KIZ: variants seen among roughly 807,000 people sequenced by gnomAD.
The protein encoded by KIZ is centrosomal protein kizuna.
Under a neutral mutation model 79.6 loss-of-function variants are expected in KIZ, and 68 were observed. That is an observed-to-expected ratio of 0.85 (90% CI 0.70 to 1.05). The LOEUF (loss-of-function observed/expected upper bound fraction) is 1.05, where lower values mean the gene tolerates loss of function less well. Ranked by LOEUF, KIZ falls within the 50% of genes least tolerant of loss-of-function variation. KIZ has a pLI of 0.00. For synonymous variants in KIZ, 280 were observed against 281.8 expected (o/e 0.99, Z 0.06); for missense variants, 797 against 800.4 (o/e 1.00, Z 0.05).
rs1205920781 is a variant in KIZ at position 21,205,585 on chromosome 20, G to A, written c.1446+1G>A. The A allele has an allele frequency of 3.6e-5, 51 of 1,411,608 alleles. No individual in the cohort carries two copies. Among genetic ancestry groups the A allele is most frequent in the Non-Finnish European group, 5.0e-5 (51 of 1,013,314 alleles). The allele number at this position is 1,411,608 out of a possible 1,614,324, so 87.4% of individuals were successfully genotyped here. A position where few individuals can be genotyped will look rare whatever the true frequency, so the allele number is the denominator to read the frequency against. Reference sequence around the variant, plus strand: ...ACATGATAATTCTGTCAAAGAAGAGGTAGGTAGCTAAACTGTCTGAAGTTT... The same window carrying A: ...ACATGATAATTCTGTCAAAGAAGAGATAGGTAGCTAAACTGTCTGAAGTTT... On this transcript the variant is annotated splice_donor_variant, in intron 7 of 12. Coordinates refer to ENST00000619189, the MANE Select transcript of KIZ (RefSeq NM_018474.6). LOFTEE classifies it high-confidence loss of function.
chr20:21,191,662 G>T (rs551256046), intron 6 of KIZ, among the ~76,000 whole-genome samples: 1 of 152,280 alleles, frequency 6.6e-6, no homozygotes, highest in Non-Finnish European at 1.5e-5. Context: ...ACTGAAATAA[G>T]GAAGCCTGTT....
intron 6 of KIZ, among the ~76,000 whole-genome samples, chr20:21,199,654 T>C (rs1203970431): frequency 6.6e-6 from 1 of 152,160 alleles, no homozygotes; most frequent in Non-Finnish European, 1.5e-5. Context: ...CTTGTGCCCC[T>C]TAGCACCCAG....
intron 6 of KIZ, among the ~76,000 whole-genome samples, chr20:21,173,504 G>A (rs1568944806): frequency 6.6e-6 from 1 of 150,890 alleles, no homozygotes; most frequent in East Asian, 2.0e-4. Context: ...CTTGAACCTG[G>A]GAAGTGGAGG....
At chr20:21,207,061 A>T (rs779550835) in intron 7 of KIZ, among the ~76,000 whole-genome samples, 2 of 152,218 alleles carry the variant, frequency 1.3e-5, no homozygotes, top group Non-Finnish European at 2.9e-5. Flanking sequence ...TCATCTTTAT[A>T]TATAATACAG....
intron 1 of KIZ, among the ~76,000 whole-genome samples, chr20:21,127,151 C>A (rs2031535170): frequency 6.6e-6 from 1 of 152,198 alleles, no homozygotes. Context: ...AGATTTAATT[C>A]TTGTCAGATA....
At chr20:21,242,105 G>A (rs2037238409) in intron 11 of KIZ, among the ~76,000 whole-genome samples, 1 of 152,196 alleles carries the variant, frequency 6.6e-6, no homozygotes, top group African/African-American at 2.4e-5. Flanking sequence ...CAGGTGAGCT[G>A]AAACAGGTGT....
At position 21,145,499 on chromosome 20, in the gene KIZ, G is replaced by A. The variant is rs141498964; in HGVS notation, c.316-66G>A. On this transcript the variant is annotated intron_variant, in intron 3 of 12. Transcript: ENST00000619189. ...ATGCTCCCTGTATGTTGTAAAGACC[G>A]CAGTATACAGACAGGTGCTAGTTGT... The A allele has an allele frequency of 8.0e-4, 515 of 643,664 alleles. 1 individual carries two copies. Among genetic ancestry groups the A allele is most frequent in the African/African-American group, 7.7e-3 (403 of 52,604 alleles). 39.9% of individuals were successfully genotyped at this position (643,664 alleles called of 1,614,324 possible).
chr20:21,212,176 C>T (rs1280079829), intron 7 of KIZ, among the ~76,000 whole-genome samples: 1 of 152,208 alleles, frequency 6.6e-6, no homozygotes, highest in Non-Finnish European at 1.5e-5. Flanking sequence ...CCCTGCTTAT[C>T]ATCTTTGAGA....
intron 10 of KIZ, among the ~76,000 whole-genome samples, chr20:21,231,434 C>A (rs1433017454): frequency 6.6e-6 from 1 of 152,156 alleles, no homozygotes; most frequent in Non-Finnish European, 1.5e-5. Flanking sequence ...GTACTTAATG[C>A]ATTTTTATTA....
At chr20:21,161,813 A>C (rs73133315) in intron 4 of KIZ, 58 bp from the exon 5 acceptor site, 32,654 of 1,062,852 alleles carry the variant, frequency 0.031, 84 homozygotes, top group South Asian at 0.062. Context: ...AAAAAAAAAA[A>C]CCCCACCTAA....
intron 1 of KIZ, among the ~76,000 whole-genome samples, chr20:21,129,733 A>G (rs1337774239): frequency 6.8e-6 from 1 of 146,224 alleles, no homozygotes. Context: ...CTCCATCTCA[A>G]AAAAAAAAAA....
At chr20:21,141,468 A>G (rs2032523734) in intron 3 of KIZ, among the ~76,000 whole-genome samples, 1 of 151,564 alleles carries the variant, frequency 6.6e-6, no homozygotes, top group Admixed American at 6.6e-5. Context: ...GTGGTAGGGA[A>G]TTAACCAAAC....
intron 3 of KIZ, among the ~76,000 whole-genome samples, chr20:21,139,528 A>G (rs2032397529): frequency 6.6e-6 from 1 of 152,194 alleles, no homozygotes; most frequent in Non-Finnish European, 1.5e-5. Flanking sequence ...AATGAAAGTG[A>G]TGGGCAAAGG....
chr20:21,161,800 G>GA (rs113752643), intron 4 of KIZ, 71 bp from the exon 5 acceptor site: 101,216 of 848,702 alleles, frequency 0.12, 717 homozygotes, highest in Non-Finnish European at 0.13. Context: ...TTCATTTCTG[G>GA]AAAAAAAAAA....
At chr20:21,179,586 C>T (rs1371873963) in intron 6 of KIZ, among the ~76,000 whole-genome samples, 2 of 151,110 alleles carry the variant, frequency 1.3e-5, no homozygotes, top group African/African-American at 4.9e-5. Context: ...TATCTCTGAT[C>T]ATTATTATTT....
At chr20:21,191,310 C>T (rs1460536915) in intron 6 of KIZ, among the ~76,000 whole-genome samples, 1 of 152,228 alleles carries the variant, frequency 6.6e-6, no homozygotes, top group Admixed American at 6.5e-5. Context: ...ACTTTGCAGC[C>T]TGCAAGTTTT....
intron 7 of KIZ, chr20:21,213,804 GTCC>G (rs1208902682): frequency 6.6e-6 from 1 of 152,126 alleles, no homozygotes; most frequent in Admixed American, 6.5e-5. Context: ...AAAAACCTGT[GTCC>G]TCCTCCTTGC....
intron 6 of KIZ, among the ~76,000 whole-genome samples, chr20:21,190,779 G>A (rs1026246005): frequency 6.6e-5 from 10 of 152,168 alleles, no homozygotes; most frequent in Admixed American, 4.6e-4. Flanking sequence ...AAAACAGAAC[G>A]TGATAGTTTT....
Position 21,163,067 on chromosome 20 carries a change from A to C in KIZ, c.1260A>C (p.Arg420Ser), listed in dbSNP as rs752922558. Residue 420 changes from arginine to serine, a missense_variant, in exon 6 of 13, where the codon AGA becomes AGC. Coordinates refer to ENST00000619189, the MANE Select transcript of KIZ (RefSeq NM_018474.6). ...AATTAATCCATGCTGAGCAAGAAAGAGTTGCCCTATCCACTGAAAAAAATT... is the reference window on the plus strand; with the variant it reads ...AATTAATCCATGCTGAGCAAGAAAGCGTTGCCCTATCCACTGAAAAAAATT... ...ALKLIHAEQE[R>S]VALSTEKNCI... 1.9e-6 allele frequency: 3 copies of C among 1,613,800 alleles called. No homozygotes were observed. In the Admixed American group the frequency reaches 5.0e-5, roughly 27 times the overall value.
Sources: allele counts gnomAD v4.1 joint callset (sites outside exome capture counted in the v4.1 genomes callset), GRCh38; gene constraint gnomAD v4.1.1; transcripts MANE v1.5; gene names NCBI Gene and HGNC (gene_info 2026-07-23, HGNC 2026-07-21).